Variants in NADSYN1 observed in about 807,000 individuals in gnomAD.
The protein encoded by NADSYN1 is NAD synthetase 1.
A neutral mutation model predicts 99.3 loss-of-function variants in NADSYN1; 80 were observed. That is an observed-to-expected ratio of 0.81 (90% CI 0.67 to 0.97). The LOEUF (loss-of-function observed/expected upper bound fraction) is 0.97, where lower values mean the gene tolerates loss of function less well. Among genes scored for constraint, NADSYN1 ranks in the 50% least tolerant of loss-of-function variants. NADSYN1 has a pLI of 0.00. For synonymous variants in NADSYN1, 385 were observed against 372.1 expected (o/e 1.03, Z -0.40); for missense variants, 859 against 948.5 (o/e 0.91, Z 1.24).
chr11:71,474,894 C>T (rs972704859), intron 9 of NADSYN1: 17 of 332,130 alleles, frequency 5.1e-5, no homozygotes, highest in Non-Finnish European at 7.8e-5. Flanking sequence ...TAGTAGTGGA[C>T]GGATGAGGTT....
intron 18 of NADSYN1, 116 bp downstream of exon 18, chr11:71,492,019 G>T: frequency 1.0e-6 from 1 of 965,556 alleles, no homozygotes. Flanking sequence ...GCTGTCACTG[G>T]GTCCCTGGCC....
chr11:71,484,981 G>A (rs1420695566), intron 15 of NADSYN1: 1 of 174,464 alleles, frequency 5.7e-6, no homozygotes, highest in Admixed American at 5.5e-5. Flanking sequence ...GCATGTGGGT[G>A]GGTGGGTGTG....
intron 19 of NADSYN1, 26 bp downstream of exon 19, chr11:71,497,637 A>C (rs1486704858): frequency 1.9e-6 from 3 of 1,613,478 alleles, no homozygotes; most frequent in South Asian, 1.1e-5. Flanking sequence ...CGCATCACAG[A>C]GGGAGGCCAG....
intron 9 of NADSYN1, 44 bp from the exon 10 acceptor site, chr11:71,478,351 A>G (rs1949683455): frequency 6.6e-7 from 1 of 1,509,186 alleles, no homozygotes; most frequent in Non-Finnish European, 9.1e-7. Context: ...TGGGAGTTGA[A>G]CAAACGGGAA....
intron 16 of NADSYN1, among the ~76,000 whole-genome samples, chr11:71,488,713 G>A (rs1340958792): frequency 6.6e-6 from 1 of 152,036 alleles, no homozygotes; most frequent in Non-Finnish European, 1.5e-5. Flanking sequence ...CAGTGGCACC[G>A]TCACAGCTCA....
At chr11:71,478,547 G>C (rs1949685014) in intron 10 of NADSYN1, 78 bp downstream of exon 10, 1 of 1,295,514 alleles carries the variant, frequency 7.7e-7, no homozygotes, top group African/African-American at 1.5e-5. Context: ...GGGCCTGGTG[G>C]AGGCCGTGAG....
At chr11:71,470,828 G>A (rs994629240) in intron 5 of NADSYN1, among the ~76,000 whole-genome samples, 6 of 152,218 alleles carry the variant, frequency 3.9e-5, no homozygotes, top group Middle Eastern at 3.2e-3. Flanking sequence ...TGGCTGGCAA[G>A]TGACATGTCT....
chr11:71,474,595 C>T (rs756624608), intron 9 of NADSYN1, 69 bp downstream of exon 9: 1 of 1,599,768 alleles, frequency 6.3e-7, no homozygotes, highest in Admixed American at 1.7e-5. Context: ...TGGCTCTCCC[C>T]TGTAAGCCGG....
At chr11:71,474,648 G>A (rs566192940) in intron 9 of NADSYN1, 122 bp downstream of exon 9, 12 of 1,320,934 alleles carry the variant, frequency 9.1e-6, no homozygotes, top group East Asian at 7.1e-5. Flanking sequence ...CGGGGGTCCC[G>A]CCTGCTCCTG....
At position 71,501,388 on chromosome 11, in the gene NADSYN1, G is replaced by T; in HGVS notation, c.*36G>T. ...TTCCTGGAGGCCTCCTGTCCTCGGG[G>T]ACCCCAGCACCTCATCATCAGCATT... On this transcript the variant is annotated 3_prime_UTR_variant, in exon 21 of 21. Transcript: ENST00000319023. 9 of 1,570,532 alleles carry T rather than the reference G, an allele frequency of 5.7e-6. No individual in the cohort carries two copies. Among genetic ancestry groups the T allele is most frequent in the Non-Finnish European group, 7.8e-6 (9 of 1,157,202 alleles).
chr11:71,458,380 C>G, intron 2 of NADSYN1, 48 bp from the exon 3 acceptor site: 1 of 1,466,414 alleles, frequency 6.8e-7, no homozygotes. Context: ...TGCCCCTCCC[C>G]GCTCACCTGA....
Position 71,473,364 on chromosome 11 carries a change from C to A in NADSYN1, c.546C>A (p.His182Gln). 6.2e-7 allele frequency: 1 copy of A among 1,614,080 alleles called. No homozygotes were observed. The highest frequency in any genetic ancestry group is 8.5e-7 in the Non-Finnish European group (1 of 1,179,944). ...SEICEELWTPHSPHIDMGLDG... is the reference protein window; with the variant it reads ...SEICEELWTPQSPHIDMGLDG... ...TCTGTGAGGAGCTCTGGACACCCCA[C>A]AGGTCAGCCCCATGCCCCTGTGCTG... Residue 182 changes from histidine (H) to glutamine (Q), a missense_variant and splice_region_variant, in exon 7 of 21, where the codon CAC becomes CAA. Physicochemically the swap from His to Gln is conservative, Grantham distance 24 (BLOSUM62 0). Transcript: ENST00000319023.
intron 20 of NADSYN1, among the ~76,000 whole-genome samples, chr11:71,500,907 G>C (rs1176892785): frequency 1.1e-4 from 16 of 152,172 alleles, no homozygotes. Context: ...CTGTCATCTG[G>C]CCACCCAGGG....
At chr11:71,480,394 G>A (rs887502820) in intron 10 of NADSYN1, 33 of 243,670 alleles carry the variant, frequency 1.4e-4, no homozygotes, top group African/African-American at 6.8e-4. Flanking sequence ...GGCTGGTCTC[G>A]AACTCCTGAC....
intron 16 of NADSYN1, among the ~76,000 whole-genome samples, chr11:71,490,536 C>G (rs988921338): frequency 2.0e-5 from 3 of 152,178 alleles, no homozygotes; most frequent in African/African-American, 7.2e-5. Flanking sequence ...TGTCCAGTCC[C>G]TGCTCACTCC....
At chr11:71,466,416 G>A (rs991023696) in intron 5 of NADSYN1, among the ~76,000 whole-genome samples, 1 of 152,184 alleles carries the variant, frequency 6.6e-6, no homozygotes, top group African/African-American at 2.4e-5. Context: ...CTGGTTCCCA[G>A]TGGGATGATG....
chr11:71,473,389 G>A, intron 7 of NADSYN1, 23 bp downstream of exon 7: 1 of 1,611,824 alleles, frequency 6.2e-7, no homozygotes, highest in Non-Finnish European at 8.5e-7. Flanking sequence ...CCCCTGTGCT[G>A]TCTGATCGCC....
chr11:71,492,810 G>A (rs188743309), intron 18 of NADSYN1, among the ~76,000 whole-genome samples: 78 of 152,050 alleles, frequency 5.1e-4, no homozygotes, highest in African/African-American at 1.8e-3. Context: ...GGGGAGTTTC[G>A]CCATCTTAAT....
intron 3 of NADSYN1, among the ~76,000 whole-genome samples, chr11:71,459,213 T>C (rs1949533131): frequency 6.7e-6 from 1 of 149,298 alleles, no homozygotes; most frequent in Non-Finnish European, 1.5e-5. Flanking sequence ...CTGGTGTCTG[T>C]GCGGTCCCTG....
Sources: gnomAD v4.1 joint callset for allele counts (sites outside exome capture counted in the v4.1 genomes callset) on GRCh38, gnomAD v4.1.1 for gene constraint, MANE v1.5 for transcripts, NCBI Gene and HGNC (gene_info 2026-07-23, HGNC 2026-07-21) for gene names.